Variants in UNC13B observed in about 807,000 individuals in gnomAD.
UNC13B encodes the protein protein unc-13 homolog B.
UNC13B carries 144 observed loss-of-function variants against 211.0 expected under a neutral mutation model. The observed-to-expected ratio is 0.68, with a 90% CI of 0.60 to 0.78. The LOEUF (loss-of-function observed/expected upper bound fraction) is 0.78. Among genes scored for constraint, UNC13B ranks in the 30% least tolerant of loss-of-function variants. The probability of loss-of-function intolerance (pLI) is 0.00; values close to 1 mark genes in which losing one functional copy is unlikely to be tolerated. For missense variants in UNC13B, 1,777 were observed against 2,002.0 expected (o/e 0.89, Z 2.14); for synonymous variants, 709 against 725.8 (o/e 0.98, Z 0.37).
chr9:35,398,338 T>A, intron 31 of UNC13B, 50 bp downstream of exon 31: 1 of 1,578,246 alleles, frequency 6.3e-7, no homozygotes, highest in Non-Finnish European at 8.7e-7. Flanking sequence ...ATTCCTGAGC[T>A]CCTTGGCCAT....
At chr9:35,364,920 C>G (rs1012294939) in intron 11 of UNC13B, among the ~76,000 whole-genome samples, 3 of 152,232 alleles carry the variant, frequency 2.0e-5, no homozygotes, top group Non-Finnish European at 4.4e-5. Flanking sequence ...TGTCCATTTT[C>G]TACCTGTTGC....
chr9:35,210,380 A>C (rs116004755), intron 1 of UNC13B, among the ~76,000 whole-genome samples: 2,068 of 152,336 alleles, frequency 0.014, 40 homozygotes, highest in African/African-American at 0.046. Flanking sequence ...CATAAAGCTG[A>C]TGGGTACTAC....
chr9:35,336,663 T>C (rs1169340884), intron 11 of UNC13B, among the ~76,000 whole-genome samples: 5 of 152,082 alleles, frequency 3.3e-5, no homozygotes, highest in African/African-American at 9.7e-5. Context: ...AAAGAACTCC[T>C]GTGGGCCTCT....
intron 1 of UNC13B, among the ~76,000 whole-genome samples, chr9:35,222,496 C>G (rs1393106371): frequency 6.6e-6 from 1 of 152,038 alleles, no homozygotes; most frequent in African/African-American, 2.4e-5. Flanking sequence ...GGGAGTCAAG[C>G]AAGATATAAA....
At chr9:35,292,147 A>T (rs1438997217) in intron 7 of UNC13B, among the ~76,000 whole-genome samples, 1 of 152,162 alleles carries the variant, frequency 6.6e-6, no homozygotes, top group Non-Finnish European at 1.5e-5. Context: ...TTGGTTGCTG[A>T]AGTTCTATTA....
At chr9:35,347,147 G>A (rs1412013002) in intron 11 of UNC13B, among the ~76,000 whole-genome samples, 2 of 152,160 alleles carry the variant, frequency 1.3e-5, no homozygotes, top group Non-Finnish European at 2.9e-5. Flanking sequence ...GGATCTTCCT[G>A]CTTTGGCCTC....
intron 1 of UNC13B, among the ~76,000 whole-genome samples, chr9:35,213,678 G>A (rs60137160): frequency 0.026 from 3,962 of 152,214 alleles, 171 homozygotes; most frequent in African/African-American, 0.088. Context: ...GCCTGGCCTA[G>A]AAAATATTCA....
intron 6 of UNC13B, among the ~76,000 whole-genome samples, chr9:35,251,531 G>A (rs1173632314): frequency 6.6e-6 from 1 of 152,114 alleles, no homozygotes; most frequent in Non-Finnish European, 1.5e-5. Context: ...AGGCTACAGT[G>A]AGCCGAGATC....
intron 1 of UNC13B, among the ~76,000 whole-genome samples, chr9:35,226,382 G>C (rs1035157575): frequency 6.6e-6 from 1 of 152,124 alleles, no homozygotes; most frequent in African/African-American, 2.4e-5. Flanking sequence ...ATGTGTGTGT[G>C]TGAGTGCACA....
chr9:35,371,841 T>G (rs1834146693), intron 13 of UNC13B: 1 of 152,714 alleles, frequency 6.5e-6, no homozygotes, highest in Non-Finnish European at 1.5e-5. Flanking sequence ...CTTTGGACTA[T>G]AGGGAAGAAC....
At chr9:35,179,445 G>T (rs1280876656) in intron 1 of UNC13B, among the ~76,000 whole-genome samples, 1 of 151,992 alleles carries the variant, frequency 6.6e-6, no homozygotes, top group African/African-American at 2.4e-5. Flanking sequence ...CTTGAATCTC[G>T]CTAGGTAGTG....
At chr9:35,213,823 A>G (rs868323733) in intron 1 of UNC13B, among the ~76,000 whole-genome samples, 2 of 152,180 alleles carry the variant, frequency 1.3e-5, no homozygotes, top group African/African-American at 2.4e-5. Flanking sequence ...TTTAATTTAC[A>G]TGGTTCAGCA....
intron 6 of UNC13B, among the ~76,000 whole-genome samples, chr9:35,253,353 G>T (rs966861600): frequency 6.6e-6 from 1 of 152,074 alleles, no homozygotes; most frequent in Non-Finnish European, 1.5e-5. Flanking sequence ...TGTTGCCCAG[G>T]CTGGACATTC....
At chr9:35,246,872 T>A (rs1386544189) in intron 6 of UNC13B, among the ~76,000 whole-genome samples, 1 of 152,212 alleles carries the variant, frequency 6.6e-6, no homozygotes, top group Non-Finnish European at 1.5e-5. Flanking sequence ...AAGTAGTTTT[T>A]TCCAATTCTG....
chr9:35,397,507 G>A (rs1835963700), intron 29 of UNC13B, 128 bp from the exon 30 acceptor site: 2 of 1,292,482 alleles, frequency 1.5e-6, no homozygotes, highest in Non-Finnish European at 2.1e-6. Context: ...GCTTTCTCCT[G>A]TACTGTGGGA....
intron 7 of UNC13B, among the ~76,000 whole-genome samples, chr9:35,265,531 TA>T (rs1010200751): frequency 3.3e-5 from 5 of 152,248 alleles, no homozygotes; most frequent in Admixed American, 6.5e-5. Flanking sequence ...ATACACTATG[TA>T]AATGCATCTA....
chr9:35,275,918 C>A (rs1828149854), intron 7 of UNC13B, among the ~76,000 whole-genome samples: 1 of 152,196 alleles, frequency 6.6e-6, no homozygotes, highest in East Asian at 1.9e-4. Flanking sequence ...CCAAATACTA[C>A]AATAAAATGT....
intron 5 of UNC13B, among the ~76,000 whole-genome samples, chr9:35,241,059 A>AAAC (rs1825778455): frequency 6.6e-6 from 1 of 151,534 alleles, no homozygotes; most frequent in South Asian, 2.1e-4. Flanking sequence ...TCTGTCTCAA[A>AAAC]AAAAAAAAAA....
At position 35,186,841 on chromosome 9, in the gene UNC13B, G is replaced by A. The variant is rs367689023; in HGVS notation, c.22+24536G>A. 1.5e-4 allele frequency among the ~76,000 whole-genome samples: 23 copies of A among 152,158 alleles called. No homozygotes were observed. In the South Asian group the frequency reaches 4.8e-3, roughly 32 times the overall value. ...CTCCTTACTGTACATGTGGCTGGCA[G>A]AGAAAGGAACACCGCGCCCGGCCAC... On this transcript the variant is annotated intron_variant, in intron 1 of 39. Transcript: ENST00000635942.
Sources: gnomAD v4.1 joint callset for allele counts (sites outside exome capture counted in the v4.1 genomes callset) on GRCh38, gnomAD v4.1.1 for gene constraint, MANE v1.5 for transcripts, NCBI Gene and HGNC (gene_info 2026-07-23, HGNC 2026-07-21) for gene names.